NRXN3: variants seen among roughly 807,000 people sequenced by gnomAD.
NRXN3 encodes the protein neurexin III.
In NRXN3, 32 loss-of-function variants were observed where a neutral mutation model predicts 137.6. That is an observed-to-expected ratio of 0.23 (90% confidence interval 0.18 to 0.31). The LOEUF (loss-of-function observed/expected upper bound fraction) is 0.31. Ranked by LOEUF, NRXN3 falls within the 10% of genes least tolerant of loss-of-function variation. The probability of loss-of-function intolerance (pLI) is 1.00; values close to 1 mark genes in which losing one functional copy is unlikely to be tolerated. For synonymous variants in NRXN3, 798 were observed against 784.5 expected, an observed-to-expected ratio of 1.02 and a Z score of -0.29; for missense variants, 1,574 against 2,062.5, an observed-to-expected ratio of 0.76 and a Z score of 4.59.
intron 4 of NRXN3, among the ~76,000 whole-genome samples, chr14:78,631,586 A>C (rs2097523507): frequency 6.6e-6 from 1 of 152,268 alleles, no homozygotes; most frequent in Admixed American, 6.5e-5. Context: ...TTACAAAACT[A>C]AACCAATTTG....
At chr14:78,542,923 G>A (rs2096604946) in intron 4 of NRXN3, among the ~76,000 whole-genome samples, 1 of 152,136 alleles carries the variant, frequency 6.6e-6, no homozygotes, top group African/African-American at 2.4e-5. Context: ...GACTGATTTT[G>A]TCAGAGGACT....
chr14:79,726,985 C>A (rs1158953640), intron 19 of NRXN3, among the ~76,000 whole-genome samples: 1 of 152,064 alleles, frequency 6.6e-6, no homozygotes, highest in African/African-American at 2.4e-5. Context: ...GTTGGGAAAA[C>A]TAAAAGTAAT....
intron 19 of NRXN3, among the ~76,000 whole-genome samples, chr14:79,728,754 G>C (rs2098908321): frequency 6.6e-6 from 1 of 152,190 alleles, no homozygotes. Flanking sequence ...TCGGGAGTTA[G>C]CAGTGGCATG....
At position 78,874,071 on chromosome 14, in the gene NRXN3, A is replaced by G. The variant is rs547920203; in HGVS notation, c.2275+63727A>G. On this transcript the variant is annotated intron_variant, in intron 10 of 20. Coordinates refer to ENST00000335750, the MANE Select transcript of NRXN3 (RefSeq NM_001330195.2). ...ACTGCAACCTCTGCCTCCCAGGTTC[A>G]AGTGGTTCTCCTGCCTCAGCCTCGT... Among the ~76,000 whole-genome samples the G allele has an allele frequency of 4.6e-5, 7 of 151,452 alleles. No individual in the cohort carries two copies. In the East Asian group the frequency reaches 1.4e-3, roughly 30 times the overall value.
At chr14:78,753,191 G>A (rs2098651301) in intron 8 of NRXN3, among the ~76,000 whole-genome samples, 1 of 152,156 alleles carries the variant, frequency 6.6e-6, no homozygotes, top group Non-Finnish European at 1.5e-5. Flanking sequence ...AAACATGGAT[G>A]GGTTCTCATT....
intron 4 of NRXN3, among the ~76,000 whole-genome samples, chr14:78,477,623 T>C (rs1293178945): frequency 5.3e-5 from 8 of 152,212 alleles, no homozygotes; most frequent in Non-Finnish European, 1.0e-4. Context: ...AACTTTAAAA[T>C]GCAAATGCTA....
At chr14:78,259,155 A>G (rs974579863) in intron 2 of NRXN3, among the ~76,000 whole-genome samples, 3 of 152,010 alleles carry the variant, frequency 2.0e-5, no homozygotes, top group African/African-American at 7.2e-5. Context: ...AAGAAAGAAA[A>G]AAAGAAACAA....
intron 4 of NRXN3, among the ~76,000 whole-genome samples, chr14:78,640,319 G>T (rs2097610548): frequency 6.6e-6 from 1 of 152,136 alleles, no homozygotes; most frequent in Non-Finnish European, 1.5e-5. Context: ...AAAAATACAG[G>T]TTGAATCCTT....
At chr14:78,803,272 C>T (rs530019765) in intron 8 of NRXN3, among the ~76,000 whole-genome samples, 3 of 152,266 alleles carry the variant, frequency 2.0e-5, no homozygotes, top group East Asian at 3.9e-4. Context: ...TTTTATCTAT[C>T]GCATACAGAA....
chr14:79,453,423 CA>C, intron 15 of NRXN3, among the ~76,000 whole-genome samples: 1 of 152,254 alleles, frequency 6.6e-6, no homozygotes, highest in Non-Finnish European at 1.5e-5. Flanking sequence ...ATTACAACCA[CA>C]TGCAGACTAT....
chr14:78,291,970 A>G (rs1739731808), intron 3 of NRXN3, among the ~76,000 whole-genome samples: 2 of 152,114 alleles, frequency 1.3e-5, no homozygotes, highest in South Asian at 2.1e-4. Flanking sequence ...GCTTTTGCCA[A>G]TTACCCAGCC....
chr14:79,728,907 T>C (rs2098909644), intron 19 of NRXN3, among the ~76,000 whole-genome samples: 1 of 152,306 alleles, frequency 6.6e-6, no homozygotes, highest in Middle Eastern at 3.4e-3. Flanking sequence ...AATTGTAACA[T>C]TGATTCAGTT....
chr14:78,532,170 C>G, intron 4 of NRXN3, among the ~76,000 whole-genome samples: 1 of 124,192 alleles, frequency 8.1e-6, no homozygotes, highest in East Asian at 2.3e-4. Context: ...AAAAAAATAG[C>G]CAAGTGCGCG....
At chr14:79,333,742 A>G (rs547171646) in intron 15 of NRXN3, among the ~76,000 whole-genome samples, 1 of 152,300 alleles carries the variant, frequency 6.6e-6, no homozygotes, top group African/African-American at 2.4e-5. Context: ...AATATCCATG[A>G]TGGCTCTTAG....
At chr14:79,550,075 T>C (rs1198526643) in intron 16 of NRXN3, among the ~76,000 whole-genome samples, 1 of 152,014 alleles carries the variant, frequency 6.6e-6, no homozygotes, top group Non-Finnish European at 1.5e-5. Flanking sequence ...GTTCAAGGGA[T>C]TCTCCTGCCT....
intron 4 of NRXN3, among the ~76,000 whole-genome samples, chr14:78,482,440 A>G (rs900585143): frequency 6.6e-6 from 1 of 152,106 alleles, no homozygotes; most frequent in African/African-American, 2.4e-5. Context: ...TTGAGTCCTC[A>G]AGGGGAGACA....
In NRXN3 at chr14:79,232,253, C is replaced by T. The variant is rs142615468; in HGVS notation, c.3263-234968C>T. ...CCCTTGCCACGTCTTTGTGTGTGTGCGCGCGCACGTGTGTGTGTGTGTATG... is the reference window on the plus strand; with the variant it reads ...CCCTTGCCACGTCTTTGTGTGTGTGTGCGCGCACGTGTGTGTGTGTGTATG... On this transcript the variant is annotated intron_variant, in intron 15 of 20. Coordinates refer to ENST00000335750, the MANE Select transcript of NRXN3 (RefSeq NM_001330195.2). Among the ~76,000 whole-genome samples, 1,257 of 151,922 alleles carry T rather than the reference C, an allele frequency of 8.3e-3. 6 individuals carry two copies. The highest frequency in any genetic ancestry group is 0.012 in the Non-Finnish European group (793 of 67,934).
intron 8 of NRXN3, among the ~76,000 whole-genome samples, chr14:78,750,973 A>G (rs1449874549): frequency 2.0e-5 from 3 of 152,224 alleles, no homozygotes; most frequent in African/African-American, 7.2e-5. Context: ...ACTGACATTA[A>G]CACTGACATG....
At chr14:79,342,871 G>A (rs982673930) in intron 15 of NRXN3, among the ~76,000 whole-genome samples, 5 of 152,144 alleles carry the variant, frequency 3.3e-5, no homozygotes, top group South Asian at 2.1e-4. Context: ...ATGCAGAGCC[G>A]GCTATGCAGG....
Sources: allele counts gnomAD v4.1 joint callset (sites outside exome capture counted in the v4.1 genomes callset), GRCh38; gene constraint gnomAD v4.1.1; transcripts MANE v1.5; gene names NCBI Gene and HGNC (gene_info 2026-07-23, HGNC 2026-07-21).